Variants in PIK3R1 observed in about 807,000 individuals in gnomAD.
PIK3R1 encodes phosphoinositide-3-kinase regulatory subunit 1, also known as phosphatidylinositol 3-kinase regulatory subunit alpha.
Under a neutral mutation model 98.0 loss-of-function variants are expected in PIK3R1, and 29 were observed. That is an observed-to-expected ratio of 0.30 (90% CI 0.22 to 0.40). The LOEUF (loss-of-function observed/expected upper bound fraction) is 0.40, where lower values mean the gene tolerates loss of function less well. PIK3R1 is among the 10% of genes least tolerant of loss of function. The pLI is 1.00. For missense variants in PIK3R1, 596 were observed against 872.7 expected (o/e 0.68, Z 3.99); for synonymous variants, 282 against 311.8 (o/e 0.90, Z 1.01).
At chr5:68,264,667 C>T (rs529483698) in intron 2 of PIK3R1, among the ~76,000 whole-genome samples, 20 of 152,290 alleles carry the variant, frequency 1.3e-4, no homozygotes, top group Non-Finnish European at 2.8e-4. Flanking sequence ...CCTAACTCCT[C>T]CCACCCCACA....
At chr5:68,295,004 CAAAAA>C in intron 12 of PIK3R1, 139 bp from the exon 13 acceptor site, 2 of 382,080 alleles carry the variant, frequency 5.2e-6, no homozygotes, top group Non-Finnish European at 4.5e-6. Context: ...TGAGCCACTC[CAAAAA>C]AAAAAAAAAA....
intron 2 of PIK3R1, among the ~76,000 whole-genome samples, chr5:68,265,475 G>A (rs1746086271): frequency 6.6e-6 from 1 of 152,136 alleles, no homozygotes; most frequent in Admixed American, 6.5e-5. Flanking sequence ...GTTCTGGTGA[G>A]GGCCTTCTCC....
In PIK3R1 at chr5:68,271,949, G is replaced by A. The variant is rs1746378464; in HGVS notation, c.335-1441G>A. 2.0e-5 allele frequency among the ~76,000 whole-genome samples: 3 copies of A among 152,120 alleles called. No individual in the cohort carries two copies. In the South Asian group the frequency reaches 6.2e-4, roughly 32 times the overall value. On this transcript the variant is annotated intron_variant, in intron 2 of 15. Transcript: ENST00000521381. The stretch of plus-strand genomic sequence containing the variant: ...GTTGACTTTTAGTACTTGAAATACA[G>A]GCTTAATTAAAAATTTGTTGGCCAG...
At position 68,301,396 on chromosome 5, in the gene PIK3R1, A is replaced by C; in HGVS notation, c.*3795A>C. The C allele has an allele frequency of 3.3e-5, 1 of 30,506 alleles. No homozygotes were observed. Among genetic ancestry groups the C allele is most frequent in the Non-Finnish European group, 6.3e-5 (1 of 15,974 alleles). The allele number at this position is 30,506 out of a possible 1,614,324, so 1.9% of individuals were successfully genotyped here. Reference sequence around the variant, plus strand: ...TGTGTGTGTGTGTGTGTGTGTGTATATATATATATATATATATATATATAT... The same window carrying C: ...TGTGTGTGTGTGTGTGTGTGTGTATCTATATATATATATATATATATATAT... On this transcript the variant is annotated 3_prime_UTR_variant, in exon 16 of 16. Coordinates refer to ENST00000521381, the MANE Select transcript of PIK3R1 (RefSeq NM_181523.3).
chr5:68,262,614 CACATGTAGATGCATGTATACACATGT>C (rs1745833955), intron 2 of PIK3R1, among the ~76,000 whole-genome samples: 1 of 136,460 alleles, frequency 7.3e-6, no homozygotes, highest in Non-Finnish European at 1.6e-5. Context: ...CACATGTATA[CACATGTAGATGCATGTATACACATGT>C]ATACACATGT....
intron 13 of PIK3R1, 39 bp downstream of exon 13, chr5:68,295,363 G>GTGAT: frequency 6.2e-7 from 1 of 1,611,086 alleles, no homozygotes; most frequent in Non-Finnish European, 8.5e-7. Context: ...TGAATAATTG[G>GTGAT]TGATTGCTAC....
intron 2 of PIK3R1, among the ~76,000 whole-genome samples, chr5:68,268,126 A>C (rs1407503590): frequency 2.0e-5 from 3 of 152,092 alleles, no homozygotes; most frequent in South Asian, 2.1e-4. Context: ...GCACATAATT[A>C]CTCCCATTTT....
intron 2 of PIK3R1, among the ~76,000 whole-genome samples, chr5:68,255,240 A>G (rs886399550): frequency 1.3e-5 from 2 of 152,204 alleles, no homozygotes; most frequent in Non-Finnish European, 2.9e-5. Context: ...AATTTTTGTC[A>G]GATAAAGATT....
rs748784250 is a variant in PIK3R1, at chr5:68,293,410, G to A, written c.1226G>A (p.Arg409Gln). 9 of 1,613,118 alleles carry A rather than the reference G, an allele frequency of 5.6e-6. No homozygotes were observed. Among genetic ancestry groups the A allele is most frequent in the South Asian group, 1.1e-5 (1 of 91,054 alleles). The change falls in exon 10 of 16, where the codon CGG becomes CAG. Residue 409 changes from arginine (R) to glutamine (Q), a missense_variant. Around this residue, in one of 3 missense-constraint regions of PIK3R1, gnomAD observed 37 missense variants for 118.0 expected, o/e 0.31. Transcript: ENST00000521381. ...SSVVELINHY[R>Q]NESLAQYNPK... ...GTGGTTGAATTAATAAACCACTACCGGAATGAATCTCTAGCTCAGTATAAT... is the reference window on the plus strand; with the variant it reads ...GTGGTTGAATTAATAAACCACTACCAGAATGAATCTCTAGCTCAGTATAAT...
chr5:68,263,143 ATT>A (rs1269374600), intron 2 of PIK3R1, among the ~76,000 whole-genome samples: 8 of 133,154 alleles, frequency 6.0e-5, no homozygotes, highest in African/African-American at 2.2e-4. Flanking sequence ...ATACATATAT[ATT>A]TATATATGTA....
Position 68,246,461 on chromosome 5 carries a change from C to T in PIK3R1, c.334+19452C>T, listed in dbSNP as rs140405589. Among the ~76,000 whole-genome samples, 847 of 151,632 alleles carry T rather than the reference C, an allele frequency of 5.6e-3. 2 individuals carry two copies. Among genetic ancestry groups the T allele is most frequent in the African/African-American group, 0.02 (814 of 41,336 alleles). Reference sequence around the variant, plus strand: ...CCAGGTAGCTGAGATTACCGGTGCCCGCCACCACGCCCAGCTAATTTTTGT... The same window carrying T: ...CCAGGTAGCTGAGATTACCGGTGCCTGCCACCACGCCCAGCTAATTTTTGT... On this transcript the variant is annotated intron_variant, in intron 2 of 15. Coordinates refer to ENST00000521381, the MANE Select transcript of PIK3R1 (RefSeq NM_181523.3).
At chr5:68,229,968 T>C (rs1744410428) in intron 2 of PIK3R1, among the ~76,000 whole-genome samples, 1 of 152,268 alleles carries the variant, frequency 6.6e-6, no homozygotes, top group African/African-American at 2.4e-5. Flanking sequence ...ATACATTCAG[T>C]AAGCATGGTC....
intron 2 of PIK3R1, among the ~76,000 whole-genome samples, chr5:68,233,083 T>A (rs1486951997): frequency 2.6e-5 from 4 of 152,134 alleles, no homozygotes; most frequent in Non-Finnish European, 5.9e-5. Context: ...AGAAAAAAAA[T>A]TAGAAATTCT....
chr5:68,246,198 G>T (rs1745076555), intron 2 of PIK3R1, among the ~76,000 whole-genome samples: 1 of 151,958 alleles, frequency 6.6e-6, no homozygotes, highest in Admixed American at 6.6e-5. Context: ...TTAGTATGCT[G>T]TATGGGTGTA....
chr5:68,249,890 G>A (rs1252110140), intron 2 of PIK3R1, among the ~76,000 whole-genome samples: 2 of 152,142 alleles, frequency 1.3e-5, no homozygotes, highest in South Asian at 2.1e-4. Context: ...ACCCATCTGG[G>A]AACCCCTAAA....
At chr5:68,255,951 G>A (rs893174593) in intron 2 of PIK3R1, among the ~76,000 whole-genome samples, 1 of 152,240 alleles carries the variant, frequency 6.6e-6, no homozygotes, top group Non-Finnish European at 1.5e-5. Context: ...CCTTTGTGGT[G>A]TGGTTTTATT....
chr5:68,261,731 A>G (rs190538396), intron 2 of PIK3R1, among the ~76,000 whole-genome samples: 1 of 152,362 alleles, frequency 6.6e-6, no homozygotes, highest in East Asian at 1.9e-4. Flanking sequence ...GTTAGAGCCA[A>G]CAAAAAACAT....
chr5:68,292,469 A>G (rs1352204793), intron 8 of PIK3R1, 108 bp downstream of exon 8: 10 of 1,430,538 alleles, frequency 7.0e-6, no homozygotes, highest in South Asian at 4.7e-5. Flanking sequence ...AGCATGAAGC[A>G]TAGTTGGTTC....
Position 68,255,982 on chromosome 5 carries a change from T to C in PIK3R1, c.335-17408T>C, listed in dbSNP as rs184715774. Among the ~76,000 whole-genome samples, 80 of 152,340 alleles carry C rather than the reference T, an allele frequency of 5.3e-4. 1 individual carries two copies. Among genetic ancestry groups the C allele is most frequent in the African/African-American group, 1.7e-3 (70 of 41,574 alleles). ...TTATTCTTTCTACTGAAGCACCTGG[T>C]TGAAAGGAGTGGGATGCTGAATTCA... On this transcript the variant is annotated intron_variant, in intron 2 of 15. Transcript: ENST00000521381.
Sources: allele counts gnomAD v4.1 joint callset (sites outside exome capture counted in the v4.1 genomes callset), GRCh38; gene constraint gnomAD v4.1.1; regional missense constraint gnomAD v4.1.1; transcripts MANE v1.5; gene names NCBI Gene and HGNC (gene_info 2026-07-23, HGNC 2026-07-21).